The following SAMM50 variants were observed in gnomAD, a reference collection of about 807,000 sequenced individuals.
The protein encoded by SAMM50 is sorting and assembly machinery component 50 homolog.
In SAMM50, 47 loss-of-function variants were observed where a neutral mutation model predicts 66.9. That is an observed-to-expected ratio of 0.70 (90% confidence interval 0.56 to 0.90). The LOEUF (loss-of-function observed/expected upper bound fraction) is 0.90, where lower values mean the gene tolerates loss of function less well. Ranked by LOEUF, SAMM50 falls within the 40% of genes least tolerant of loss-of-function variation. The pLI is 0.00. For synonymous variants in SAMM50, 191 were observed against 214.1 expected (o/e 0.89, Z 0.94); for missense variants, 535 against 595.3 (o/e 0.90, Z 1.05).
At chr22:43,965,039 C>G (rs2050166192) in intron 3 of SAMM50, among the ~76,000 whole-genome samples, 1 of 152,010 alleles carries the variant, frequency 6.6e-6, no homozygotes, top group Non-Finnish European at 1.5e-5. Flanking sequence ...TTTCCTCTGC[C>G]TTTCTGCCCG....
chr22:43,994,081 G>C (rs2050339864), intron 14 of SAMM50, among the ~76,000 whole-genome samples: 1 of 152,176 alleles, frequency 6.6e-6, no homozygotes, highest in African/African-American at 2.4e-5. Context: ...CTTGGTTGTT[G>C]GGGAGGGTGC....
rs2050234015 is a variant in SAMM50 at position 43,976,657 on chromosome 22, T to C, written c.778-93T>C. ...ACGAAATGACATGATAGTTGTAGAG[T>C]GCTAGCGTGGTGTGGCCCACGTGCT... On this transcript the variant is annotated intron_variant, in intron 8 of 14. Transcript: ENST00000350028. The C allele has an allele frequency of 3.5e-6, 3 of 850,264 alleles. No homozygotes were observed. The Admixed American group carries it at 5.5e-5, about 16-fold the overall frequency. The allele number at this position is 850,264 out of a possible 1,614,324, so 52.7% of individuals were successfully genotyped here.
chr22:43,958,989 G>A (rs182663163), intron 1 of SAMM50, among the ~76,000 whole-genome samples: 2 of 148,518 alleles, frequency 1.3e-5, no homozygotes, highest in African/African-American at 5.0e-5. Context: ...TACTTAATAT[G>A]TGTTATGTAT....
At chr22:43,958,762 C>T (rs1432973463) in intron 1 of SAMM50, among the ~76,000 whole-genome samples, 1 of 152,158 alleles carries the variant, frequency 6.6e-6, no homozygotes, top group Non-Finnish European at 1.5e-5. Context: ...CAGGCATGAG[C>T]CATTGCGCCT....
intron 4 of SAMM50, among the ~76,000 whole-genome samples, chr22:43,969,037 G>A (rs1346300643): frequency 6.6e-6 from 1 of 152,162 alleles, no homozygotes; most frequent in Non-Finnish European, 1.5e-5. Context: ...TGCCCAGGCT[G>A]GTCTGGAACT....
intron 1 of SAMM50, 185 bp from the exon 2 acceptor site, chr22:43,963,101 A>T (rs2050155482): frequency 4.7e-6 from 2 of 428,982 alleles, no homozygotes; most frequent in Admixed American, 8.3e-5. Flanking sequence ...CCAAGCCAAG[A>T]ACTTGCTCAT....
At chr22:43,973,824 G>A (rs950974751) in intron 7 of SAMM50, among the ~76,000 whole-genome samples, 10 of 152,188 alleles carry the variant, frequency 6.6e-5, no homozygotes, top group African/African-American at 2.2e-4. Flanking sequence ...TGTTGGCCAG[G>A]CTGGTCTCGA....
intron 2 of SAMM50, 25 bp from the exon 3 acceptor site, chr22:43,964,427 A>G (rs898475437): frequency 2.7e-5 from 36 of 1,319,008 alleles, no homozygotes; most frequent in Non-Finnish European, 3.8e-5. Context: ...TGTCATCCCT[A>G]ATACTGTCCC....
chr22:43,989,132 C>G lies in SAMM50; in HGVS notation c.1097C>G (p.Ala366Gly), dbSNP rs755487664. The G allele has an allele frequency of 1.2e-6, 2 of 1,613,832 alleles. No individual in the cohort carries two copies. Among genetic ancestry groups the G allele is most frequent in the Non-Finnish European group, 8.5e-7 (1 of 1,179,938 alleles). Residue 366 changes from alanine (A) to glycine (G), a missense_variant, in exon 13 of 15, where the codon GCG (alanine) becomes GGG (glycine). Transcript: ENST00000350028. ...TTAGGAGACTACCTAGGTGGAGAAG[C>G]GTACTGGGCCGGCGGCCTGCACCTC... ...QSEGDYLGGE[A>G]YWAGGLHLYT...
rs1308937223 is a variant in SAMM50 at position 43,972,965 on chromosome 22, CCTT to C, written c.529_531del (p.Phe177del). 1 of 1,599,132 alleles carries C rather than the reference CCTT, an allele frequency of 6.3e-7. No homozygotes were observed. The highest frequency in any genetic ancestry group is 8.5e-7 in the Non-Finnish European group (1 of 1,176,794). ...ACAAAAGAAACTTCGTATGGCCTGTCCTTCTTCAAACCACGGCCCGGAAACTTC... is the reference window on the plus strand; with the variant it reads ...ACAAAAGAAACTTCGTATGGCCTGTCCTTCAAACCACGGCCCGGAAACTTC... On this transcript the variant is annotated inframe_deletion, in exon 6 of 15. Transcript: ENST00000350028.
At chr22:43,992,116 G>C (rs6006470) in intron 14 of SAMM50, among the ~76,000 whole-genome samples, 106,964 of 152,152 alleles carry the variant, frequency 0.7, 38,550 homozygotes, top group African/African-American at 0.87. Flanking sequence ...GCTGTTGGAG[G>C]CTTAACCCGG....
intron 3 of SAMM50, among the ~76,000 whole-genome samples, chr22:43,968,371 C>T (rs1412498803): frequency 6.6e-6 from 1 of 151,886 alleles, no homozygotes; most frequent in African/African-American, 2.4e-5. Flanking sequence ...GGTGTGCAGA[C>T]ACACGTGTCT....
chr22:43,987,022 T>C (rs977937479), intron 12 of SAMM50: 4 of 152,204 alleles, frequency 2.6e-5, no homozygotes, highest in African/African-American at 9.7e-5. Context: ...TTTTTGATGG[T>C]TTTATTTCAT....
intron 12 of SAMM50, chr22:43,987,840 G>A (rs1023509321): frequency 2.0e-5 from 3 of 151,888 alleles, no homozygotes; most frequent in African/African-American, 2.4e-5. Context: ...AAGATAAAGC[G>A]TTAGGAGAAA....
intron 4 of SAMM50, among the ~76,000 whole-genome samples, chr22:43,969,767 G>A (rs973274065): frequency 6.6e-6 from 1 of 152,194 alleles, no homozygotes; most frequent in Non-Finnish European, 1.5e-5. Flanking sequence ...AGAGTGGCTC[G>A]CTGGGTGGAC....
Position 43,996,487 on chromosome 22 carries a change from G to T in SAMM50, c.*104G>T. ...GCGGTTCAGCGATTCTTTGACTGCG[G>T]ACCCTGTGGGAAACCCCGTCAATAA... On this transcript the variant is annotated 3_prime_UTR_variant, in exon 15 of 15. Transcript: ENST00000350028. 1.9e-6 allele frequency: 2 copies of T among 1,062,910 alleles called. No individual in the cohort carries two copies. The highest frequency in any genetic ancestry group is 2.4e-5 in the East Asian group (1 of 42,320). The allele number at this position is 1,062,910 out of a possible 1,614,324, so 65.8% of individuals were successfully genotyped here.
At chr22:43,980,332 C>T (rs2050258904) in intron 10 of SAMM50, among the ~76,000 whole-genome samples, 1 of 147,222 alleles carries the variant, frequency 6.8e-6, no homozygotes, top group Non-Finnish European at 1.5e-5. Flanking sequence ...CTTTATATAT[C>T]ATTGAGGAGG....
At chr22:43,972,745 A>C in intron 5 of SAMM50, 126 bp from the exon 6 acceptor site, 1 of 865,652 alleles carries the variant, frequency 1.2e-6, no homozygotes, top group Non-Finnish European at 1.8e-6. Flanking sequence ...ATGAAAGACT[A>C]GATCTGTAGT....
At chr22:43,976,985 C>T (rs1178596759) in intron 9 of SAMM50, among the ~76,000 whole-genome samples, 164 bp downstream of exon 9, 1 of 152,186 alleles carries the variant, frequency 6.6e-6, no homozygotes, top group Admixed American at 6.5e-5. Context: ...CTCAGGGCTT[C>T]CAGCCCGGAA....
Sources: gnomAD v4.1 joint callset for allele counts (sites outside exome capture counted in the v4.1 genomes callset) on GRCh38, gnomAD v4.1.1 for gene constraint, MANE v1.5 for transcripts, NCBI Gene and HGNC (gene_info 2026-07-23, HGNC 2026-07-21) for gene names.